The following CRK variants were observed in gnomAD, a reference collection of about 807,000 sequenced individuals.
CRK encodes the protein CRK proto-oncogene, adaptor protein.
In CRK, 4 loss-of-function variants were observed where a neutral mutation model predicts 29.8. The ratio of observed to expected loss-of-function variants is 0.13; its 90% CI spans 0.07 to 0.31. The LOEUF is 0.31. CRK is among the 10% of genes least tolerant of loss of function. CRK has a pLI of 1.00. For missense variants in CRK, 274 were observed against 396.5 expected, an observed-to-expected ratio of 0.69 and a Z score of 2.62; for synonymous variants, 153 against 164.9, an observed-to-expected ratio of 0.93 and a Z score of 0.55.
intron 2 of CRK, among the ~76,000 whole-genome samples, chr17:1,428,339 G>A (rs1472110393): frequency 3.3e-5 from 5 of 151,204 alleles, no homozygotes; most frequent in South Asian, 2.1e-4. Context: ...GGATGGTCTC[G>A]ATCTCCTGAC....
intron 1 of CRK, among the ~76,000 whole-genome samples, chr17:1,452,887 T>G (rs537072879): frequency 1.3e-5 from 2 of 151,278 alleles, no homozygotes; most frequent in African/African-American, 2.4e-5. Context: ...TGAAGTCTAT[T>G]GAGATCAGGA....
chr17:1,435,409 T>C (rs1179325509), intron 2 of CRK, among the ~76,000 whole-genome samples: 1 of 149,668 alleles, frequency 6.7e-6, no homozygotes, highest in Non-Finnish European at 1.5e-5. Context: ...GTAATAAATG[T>C]CAAGAGTTAC....
At chr17:1,436,090 G>C (rs2073884223) in intron 2 of CRK, among the ~76,000 whole-genome samples, 1 of 152,154 alleles carries the variant, frequency 6.6e-6, no homozygotes, top group Non-Finnish European at 1.5e-5. Context: ...CTCGGAATGA[G>C]GACTTCTGGG....
rs1306328164 is a variant in CRK at position 1,444,759 on chromosome 17, G to A, written c.242-7604C>T. On this transcript the variant is annotated intron_variant, in intron 1 of 2. Coordinates refer to ENST00000300574, the MANE Select transcript of CRK (RefSeq NM_016823.4). Reference sequence around the variant, plus strand: ...GAGGCAGGAGAATCGCTGGAACCCGGGAGGTGGAGGCTGCGGTGAGCTGAG... The same window carrying A: ...GAGGCAGGAGAATCGCTGGAACCCGAGAGGTGGAGGCTGCGGTGAGCTGAG... Among the ~76,000 whole-genome samples the A allele has an allele frequency of 2.0e-5, 3 of 151,668 alleles. 1 individual carries two copies. Among genetic ancestry groups the A allele is most frequent in the African/African-American group, 7.3e-5 (3 of 41,326 alleles).
At chr17:1,440,053 AC>A (rs2073922217) in intron 1 of CRK, among the ~76,000 whole-genome samples, 1 of 152,090 alleles carries the variant, frequency 6.6e-6, no homozygotes, top group Non-Finnish European at 1.5e-5. Context: ...TAATCCCAGC[AC>A]TTTGGGAGGC....
chr17:1,426,884 T>A (rs939401629), intron 2 of CRK, among the ~76,000 whole-genome samples: 5 of 150,206 alleles, frequency 3.3e-5, no homozygotes, highest in Non-Finnish European at 5.9e-5. Flanking sequence ...ATAAATAAAT[T>A]AGCCAGGCAT....
rs778793991 is a variant in CRK at position 1,427,072 on chromosome 17, A to AAAAAAAAAAAAAAAAAAAAAAAAAAAG, written c.778-3423_778-3422insCTTTTTTTTTTTTTTTTTTTTTTTTTT. 3.3e-5 allele frequency among the ~76,000 whole-genome samples: 3 copies of AAAAAAAAAAAAAAAAAAAAAAAAAAAG among 92,074 alleles called. 1 individual carries two copies. Among genetic ancestry groups the AAAAAAAAAAAAAAAAAAAAAAAAAAAG allele is most frequent in the Non-Finnish European group, 6.3e-5 (3 of 47,912 alleles). 60.4% of individuals were successfully genotyped at this position (92,074 alleles called of 152,430 possible). A position where few individuals can be genotyped will look rare whatever the true frequency, so the allele number is the denominator to read the frequency against. On this transcript the variant is annotated intron_variant, in intron 2 of 2. Transcript: ENST00000300574. ...AAAAAAAAAAAAAAAAAAAAAAAAA[A>AAAAAAAAAAAAAAAAAAAAAAAAAAAG]GATTCTGACATGCCCCAGCCAGGCT...
At position 1,436,749 on chromosome 17, in the gene CRK, C is replaced by A. The variant is rs764440545; in HGVS notation, c.648G>T (p.Pro216=). The change falls in exon 2 of 3, where the codon CCG becomes CCT. Residue 216 remains proline, a synonymous_variant. Transcript: ENST00000300574. ...TGGGTTGGGCATAGGGCCCAGGCTC[C>A]GGCCCACCCAGTGGCTGTGGGTGGG... ...EGSHPQPLGG[P]EPGPYAQPSV... The A allele has an allele frequency of 1.9e-6, 3 of 1,592,774 alleles. No homozygotes were observed. The African/African-American group carries it at 4.1e-5, about 22-fold the overall frequency.
intron 2 of CRK, among the ~76,000 whole-genome samples, chr17:1,435,567 G>A (rs1279143930): frequency 3.3e-5 from 5 of 152,130 alleles, no homozygotes; most frequent in African/African-American, 1.2e-4. Flanking sequence ...CCTGAGGGTA[G>A]AAATCTATTT....
chr17:1,444,597 G>GGGGT (rs1555654437), intron 1 of CRK, among the ~76,000 whole-genome samples: 1 of 110,486 alleles, frequency 9.1e-6, no homozygotes, highest in Non-Finnish European at 1.6e-5. Flanking sequence ...AGCCGAAGCG[G>GGGGT]GGGGGGGGAT....
chr17:1,450,031 C>T (rs1395146876), intron 1 of CRK, among the ~76,000 whole-genome samples: 1 of 151,912 alleles, frequency 6.6e-6, no homozygotes, highest in Non-Finnish European at 1.5e-5. Flanking sequence ...AAACCCCCAT[C>T]TCTACTAAAA....
At chr17:1,436,564 A>G in intron 2 of CRK, 56 bp downstream of exon 2, 2 of 1,528,584 alleles carry the variant, frequency 1.3e-6, no homozygotes, top group Non-Finnish European at 1.8e-6. Flanking sequence ...CTCTAAGAGG[A>G]CCGAGAGGAG....
intron 1 of CRK, among the ~76,000 whole-genome samples, chr17:1,446,742 C>A (rs1166186024): frequency 6.6e-6 from 1 of 152,056 alleles, no homozygotes; most frequent in Non-Finnish European, 1.5e-5. Context: ...CAGGTGCCCG[C>A]CACCACGCCC....
intron 2 of CRK, among the ~76,000 whole-genome samples, chr17:1,430,798 T>G (rs2073836277): frequency 6.6e-6 from 1 of 151,270 alleles, no homozygotes; most frequent in African/African-American, 2.4e-5. Flanking sequence ...CCGGGCGCTG[T>G]GGCTCATGCC....
At chr17:1,451,531 C>A (rs538820777) in intron 1 of CRK, among the ~76,000 whole-genome samples, 1 of 152,168 alleles carries the variant, frequency 6.6e-6, no homozygotes, top group East Asian at 1.9e-4. Flanking sequence ...TGCGCCCGGC[C>A]TCTTCTTGCC....
rs1209309279 is a variant in CRK at position 1,456,019 on chromosome 17, C to A, written c.99G>T (p.Gly33=). The change falls in exon 1 of 3, where the codon GGG becomes GGT. Residue 33 remains glycine, a synonymous_variant. Coordinates refer to ENST00000300574, the MANE Select transcript of CRK (RefSeq NM_016823.4). The part of the protein sequence containing the change: ...AVALLQGQRH[G]VFLVRDSSTS... Reference sequence around the variant, plus strand: ...TGCTCGAGTCCCGCACCAGGAACACCCCGTGCCGCTGGCCCTGCAGCAGCG... The same window carrying A: ...TGCTCGAGTCCCGCACCAGGAACACACCGTGCCGCTGGCCCTGCAGCAGCG... The A allele has an allele frequency of 3.8e-6, 6 of 1,597,534 alleles. No individual in the cohort carries two copies. Among genetic ancestry groups the A allele is most frequent in the African/African-American group, 1.4e-5 (1 of 72,466 alleles).
chr17:1,455,940 A>C lies in CRK; in HGVS notation c.178T>G (p.Tyr60Asp). 6.2e-7 allele frequency: 1 copy of C among 1,600,766 alleles called. No individual in the cohort carries two copies. Among genetic ancestry groups the C allele is most frequent in the Non-Finnish European group, 8.5e-7 (1 of 1,175,324 alleles). The change falls in exon 1 of 3, where the codon TAC becomes GAC. Residue 60 changes from tyrosine to aspartate, a missense_variant. Transcript: ENST00000300574. ...SVSENSRVSH[Y>D]IINSSGPRPP... ...CGCGGGCCGCTGCTGTTGATGATGT[A>C]GTGGGAGACGCGCGAGTTCTCTGAG...
At chr17:1,427,310 T>C (rs1300664993) in intron 2 of CRK, among the ~76,000 whole-genome samples, 1 of 149,890 alleles carries the variant, frequency 6.7e-6, no homozygotes, top group Non-Finnish European at 1.5e-5. Context: ...AAAAAGAATC[T>C]TGGCCGGGCG....
chr17:1,423,685 C>T, intron 2 of CRK, 35 bp from the exon 3 acceptor site: 1 of 1,610,708 alleles, frequency 6.2e-7, no homozygotes, highest in Non-Finnish European at 8.5e-7. Context: ...ACTTTATTTC[C>T]AGGTAGGAAT....
Sources: gnomAD v4.1 joint callset for allele counts (sites outside exome capture counted in the v4.1 genomes callset) on GRCh38, gnomAD v4.1.1 for gene constraint, MANE v1.5 for transcripts, NCBI Gene and HGNC (gene_info 2026-07-23, HGNC 2026-07-21) for gene names.